Variants in NCOA2 observed in about 807,000 individuals in gnomAD.
The protein encoded by NCOA2 is class E basic helix-loop-helix protein 75.
A neutral mutation model predicts 145.1 loss-of-function variants in NCOA2; 21 were observed. The ratio of observed to expected loss-of-function variants is 0.14; its 90% CI spans 0.10 to 0.21. The LOEUF (loss-of-function observed/expected upper bound fraction) is 0.21. NCOA2 is among the 10% of genes least tolerant of loss of function. NCOA2 has a pLI of 1.00. For missense variants in NCOA2, 1,472 were observed against 1,837.6 expected, an observed-to-expected ratio of 0.80 and a Z score of 3.64; for synonymous variants, 619 against 637.5, an observed-to-expected ratio of 0.97 and a Z score of 0.44.
intron 1 of NCOA2, among the ~76,000 whole-genome samples, chr8:70,396,695 A>C (rs961290500): frequency 6.6e-6 from 1 of 151,730 alleles, no homozygotes; most frequent in African/African-American, 2.4e-5. Flanking sequence ...CTTAAAATAA[A>C]TAACCTCTGT....
chr8:70,433,237 T>G, the NCOA2 span, among the ~76,000 whole-genome samples: 1 of 152,234 alleles, frequency 6.6e-6, no homozygotes, highest in East Asian at 1.9e-4. Flanking sequence ...TAGTCAATAG[T>G]GATTTTTGTC....
At chr8:70,186,169 A>T (rs1163626376) in intron 4 of NCOA2, among the ~76,000 whole-genome samples, 1 of 152,144 alleles carries the variant, frequency 6.6e-6, no homozygotes, top group Non-Finnish European at 1.5e-5. Context: ...TGGTGTAAAA[A>T]GTTTATAATC....
chr8:70,113,745 T>G, intron 22 of NCOA2, 102 bp from the exon 23 acceptor site: 1 of 1,178,256 alleles, frequency 8.5e-7, no homozygotes, highest in Non-Finnish European at 1.2e-6. Context: ...CTGTTTTCAA[T>G]AAAGCAAATC....
the NCOA2 span, among the ~76,000 whole-genome samples, chr8:70,453,990 T>C: frequency 6.8e-4 from 103 of 152,346 alleles, no homozygotes; most frequent in Middle Eastern, 6.8e-3. Flanking sequence ...TTGTTCATGT[T>C]TCATTTAAAG....
intron 2 of NCOA2, among the ~76,000 whole-genome samples, chr8:70,292,074 CA>C (rs371226539): frequency 0.17 from 15,784 of 93,918 alleles, 1,205 homozygotes; most frequent in African/African-American, 0.3. Flanking sequence ...GACGCCGTCT[CA>C]AAAAAAAAAA....
chr8:70,216,648 C>G lies in NCOA2; in HGVS notation c.86+12G>C. On this transcript the variant is annotated intron_variant, in intron 3 of 22. Transcript: ENST00000452400. ...AGACAATACTGATTCCTTTTCTCAG[C>G]AAGAATCTAACCTGGGTCCAAGTTG... 6.2e-7 allele frequency: 1 copy of G among 1,600,708 alleles called. No homozygotes were observed. The highest frequency in any genetic ancestry group is 1.3e-5 in the African/African-American group (1 of 74,720).
chr8:70,310,129 G>GAGACCAGCA (rs1431202731), intron 1 of NCOA2, among the ~76,000 whole-genome samples: 6 of 151,976 alleles, frequency 3.9e-5, no homozygotes, highest in Middle Eastern at 3.4e-3. Context: ...CCGGGAGTTC[G>GAGACCAGCA]AGACCAGCAA....
chr8:70,203,375 C>G (rs1454292484), intron 4 of NCOA2, among the ~76,000 whole-genome samples: 1 of 151,906 alleles, frequency 6.6e-6, no homozygotes, highest in Non-Finnish European at 1.5e-5. Flanking sequence ...AGTCACAGTT[C>G]CCTCTCCCTT....
chr8:70,200,533 C>T (rs1048909682), intron 4 of NCOA2, among the ~76,000 whole-genome samples: 1 of 152,140 alleles, frequency 6.6e-6, no homozygotes, highest in African/African-American at 2.4e-5. Flanking sequence ...TTAAGGGTTT[C>T]CTGACTGACA....
chr8:70,182,196 C>T (rs992670058), intron 4 of NCOA2, among the ~76,000 whole-genome samples: 4 of 152,190 alleles, frequency 2.6e-5, no homozygotes, highest in African/African-American at 4.8e-5. Context: ...ATTAAAAGCG[C>T]GCAGCTGCAC....
the NCOA2 span, among the ~76,000 whole-genome samples, chr8:70,448,738 G>T: frequency 6.6e-6 from 1 of 151,180 alleles, no homozygotes. Flanking sequence ...GCACAGAAAA[G>T]AATATACTTA....
intron 2 of NCOA2, among the ~76,000 whole-genome samples, chr8:70,269,344 G>C (rs1317596883): frequency 6.6e-6 from 1 of 152,092 alleles, no homozygotes; most frequent in South Asian, 2.1e-4. Context: ...AGGTGCAGTG[G>C]CTCACACCTA....
chr8:70,160,993 T>C (rs1397777457), intron 9 of NCOA2, among the ~76,000 whole-genome samples: 1 of 152,244 alleles, frequency 6.6e-6, no homozygotes, highest in Non-Finnish European at 1.5e-5. Context: ...TTGGCTGTGA[T>C]CCCTAAAGAT....
chr8:70,175,272 G>A (rs1283692996), intron 4 of NCOA2, among the ~76,000 whole-genome samples: 1 of 152,224 alleles, frequency 6.6e-6, no homozygotes, highest in African/African-American at 2.4e-5. Flanking sequence ...GCACACATTT[G>A]AAGAAGTAAC....
the NCOA2 span, among the ~76,000 whole-genome samples, chr8:70,418,900 A>G: frequency 1.3e-3 from 200 of 152,290 alleles, 1 homozygote; most frequent in African/African-American, 4.6e-3. Context: ...TAAAATGCAA[A>G]AAAACATATT....
the NCOA2 span, among the ~76,000 whole-genome samples, chr8:70,440,522 C>T: frequency 2.0e-5 from 3 of 150,598 alleles, no homozygotes; most frequent in South Asian, 2.1e-4. Flanking sequence ...GGCAGTGGGC[C>T]GAGATGCGCC....
chr8:70,116,411 G>T (rs1335062114), intron 22 of NCOA2, among the ~76,000 whole-genome samples: 1 of 152,048 alleles, frequency 6.6e-6, no homozygotes, highest in Non-Finnish European at 1.5e-5. Flanking sequence ...AATTAGCTGG[G>T]TGTGGTGGCA....
chr8:70,276,173 T>C (rs1363910976), intron 2 of NCOA2, among the ~76,000 whole-genome samples: 3 of 151,962 alleles, frequency 2.0e-5, no homozygotes, highest in Non-Finnish European at 4.4e-5. Context: ...AAAATGAATA[T>C]GCCTAAATTA....
At chr8:70,367,532 T>G (rs971378911) in intron 1 of NCOA2, among the ~76,000 whole-genome samples, 5 of 152,206 alleles carry the variant, frequency 3.3e-5, no homozygotes, top group African/African-American at 4.8e-5. Context: ...TTGGAGTTAC[T>G]GCACAGAGGG....
Sources: allele counts gnomAD v4.1 joint callset (sites outside exome capture counted in the v4.1 genomes callset), GRCh38; gene constraint gnomAD v4.1.1; transcripts MANE v1.5; gene names NCBI Gene and HGNC (gene_info 2026-07-23, HGNC 2026-07-21).